CHD5: variants seen among roughly 807,000 people sequenced by gnomAD.
CHD5 encodes ATP-dependent chromatin remodeler CHD5.
In CHD5, 69 loss-of-function variants were observed where a neutral mutation model predicts 230.3. That is an observed-to-expected ratio of 0.30 (90% CI 0.25 to 0.37). The LOEUF (loss-of-function observed/expected upper bound fraction) is 0.37. Ranked by LOEUF, CHD5 falls within the 10% of genes least tolerant of loss-of-function variation. CHD5 has a pLI of 1.00. For missense variants in CHD5, 1,827 were observed against 2,622.8 expected, an observed-to-expected ratio of 0.70 and a Z score of 6.63; for synonymous variants, 1,064 against 1,065.9, an observed-to-expected ratio of 1.00 and a Z score of 0.03.
At position 6,102,286 on chromosome 1, in the gene CHD5, CACA is replaced by C. The variant is rs1261202495; in HGVS notation, c.*3185_*3187del. On this transcript the variant is annotated 3_prime_UTR_variant, in exon 42 of 42. Coordinates refer to ENST00000262450, the MANE Select transcript of CHD5 (RefSeq NM_015557.3). ...ATCTGAAAATTAAAGAAAAAAAAAA[CACA>C]ACGCCAGTGAGTTTGGGCTGATGCA... 2.5e-5 allele frequency: 4 copies of C among 160,340 alleles called. No individual in the cohort carries two copies. Among genetic ancestry groups the C allele is most frequent in the East Asian group, 3.9e-4 (2 of 5,164 alleles). The allele number at this position is 160,340 out of a possible 1,614,324, so 9.9% of individuals were successfully genotyped here. A position where few individuals can be genotyped will look rare whatever the true frequency, so the allele number is the denominator to read the frequency against.
intron 2 of CHD5, among the ~76,000 whole-genome samples, chr1:6,161,769 G>A (rs1372830577): frequency 6.6e-6 from 1 of 152,206 alleles, no homozygotes; most frequent in Non-Finnish European, 1.5e-5. Context: ...CTCTCCCTGA[G>A]CCCTCACCCC....
chr1:6,170,258 A>C (rs903840827), intron 1 of CHD5, among the ~76,000 whole-genome samples: 3 of 152,040 alleles, frequency 2.0e-5, no homozygotes, highest in Admixed American at 6.5e-5. Flanking sequence ...ATGCATGTGC[A>C]CCCAACACTC....
Position 6,154,298 on chromosome 1 carries a change from C to A in CHD5, c.745+362G>T, listed in dbSNP as rs1667047903. 6.6e-6 allele frequency among the ~76,000 whole-genome samples: 1 copy of A among 152,188 alleles called. No individual in the cohort carries two copies. The highest frequency in any genetic ancestry group is 2.4e-5 in the African/African-American group (1 of 41,448). On this transcript the variant is annotated intron_variant, in intron 5 of 41. Transcript: ENST00000262450. This position sits in a 1 kb window ranked among gnomAD's most constrained non-coding sequence, Gnocchi z 7.0. The stretch of plus-strand genomic sequence containing the variant: ...CACAGGCTCAAACCCAAGAGCCTGC[C>A]AACTCCCAGAAACCCAGGCTGGAGC...
Position 6,154,574 on chromosome 1 carries a change from C to A in CHD5, c.745+86G>T. The A allele has an allele frequency of 7.9e-7, 1 of 1,267,398 alleles. No homozygotes were observed. Among genetic ancestry groups the A allele is most frequent in the Non-Finnish European group, 1.1e-6 (1 of 935,074 alleles). 78.5% of individuals were successfully genotyped at this position (1,267,398 alleles called of 1,614,324 possible). A position where few individuals can be genotyped will look rare whatever the true frequency, so the allele number is the denominator to read the frequency against. ...GAGCACCCCAGCTGCCCCTCCCTGC[C>A]CGCGTCTGCCCCGTGGCTTCTCCTA... is the stretch of plus-strand genomic sequence containing the variant. On this transcript the variant is annotated intron_variant, in intron 5 of 41. Transcript: ENST00000262450. This position sits in a 1 kb window ranked among gnomAD's most constrained non-coding sequence, Gnocchi z 7.0.
rs1490133012 is a variant in CHD5 at position 6,130,077 on chromosome 1, G to C, written c.3387+127C>G. On this transcript the variant is annotated intron_variant, in intron 22 of 41. Transcript: ENST00000262450. The surrounding 1 kb of genome is among the most constrained non-coding windows in gnomAD (Gnocchi z 4.9). ...CCCTCTTGGGGCCGAGACTCCACGG[G>C]GGAGGGAGGCCCACAGCACCAGGAT... The C allele has an allele frequency of 1.4e-5, 16 of 1,104,994 alleles. No individual in the cohort carries two copies. The East Asian group carries it at 3.6e-4, about 25-fold the overall frequency. 68.4% of individuals were successfully genotyped at this position (1,104,994 alleles called of 1,614,324 possible).
chr1:6,114,305 G>A (rs1666341220), intron 33 of CHD5, among the ~76,000 whole-genome samples: 1 of 151,344 alleles, frequency 6.6e-6, no homozygotes, highest in Non-Finnish European at 1.5e-5. Flanking sequence ...TCTAAACCCA[G>A]AAAACAATGA....
chr1:6,111,138 A>G (rs1352788699), intron 36 of CHD5, among the ~76,000 whole-genome samples: 13 of 146,822 alleles, frequency 8.9e-5, no homozygotes, highest in East Asian at 4.1e-4. Flanking sequence ...GCTGAGGCAG[A>G]AGAATCACTT....
rs1666844354 is a variant in CHD5 at position 6,142,557 on chromosome 1, C to T, written c.2092G>A (p.Gly698Ser). The change falls in exon 14 of 42, where the codon GGC becomes AGC. Residue 698 changes from glycine (G) to serine (S), a missense_variant. Around this residue, in one of 14 missense-constraint regions of CHD5, gnomAD observed 37 missense variants for 105.7 expected, o/e 0.35. Coordinates refer to ENST00000262450, the MANE Select transcript of CHD5 (RefSeq NM_015557.3). The surrounding 1 kb of genome is among the most constrained non-coding windows in gnomAD (Gnocchi z 5.2). ...KQPWYIDSTGGTLHPYQLEGL... is the reference protein window; with the variant it reads ...KQPWYIDSTGSTLHPYQLEGL... ...TCCAGCTGGTACGGGTGCAGTGTGC[C>T]GCCTGTGGAGTCGATGTACCATGGC... 10 of 1,613,996 alleles carry T rather than the reference C, an allele frequency of 6.2e-6. No homozygotes were observed. Among genetic ancestry groups the T allele is most frequent in the Middle Eastern group, 1.7e-4 (1 of 5,998 alleles).
intron 36 of CHD5, among the ~76,000 whole-genome samples, chr1:6,110,909 C>T (rs1162038838): frequency 2.6e-5 from 4 of 152,194 alleles, no homozygotes; most frequent in Non-Finnish European, 5.9e-5. Context: ...GGGCCCTAAA[C>T]TCAATGACTG....
In CHD5 at chr1:6,126,945, TTTAC is replaced by T; in HGVS notation, c.3904-203_3904-200del. On this transcript the variant is annotated intron_variant, in intron 25 of 41. Coordinates refer to ENST00000262450, the MANE Select transcript of CHD5 (RefSeq NM_015557.3). The surrounding 1 kb of genome is among the most constrained non-coding windows in gnomAD (Gnocchi z 5.7). Reference sequence around the variant, plus strand: ...CTCCCTGCCCCTATCCAGTCAATCATTTACTTATTCATCCATCCATTCACAAAGC... The same window carrying T: ...CTCCCTGCCCCTATCCAGTCAATCATTTATTCATCCATCCATTCACAAAGC... The T allele has an allele frequency of 1.7e-6, 1 of 592,692 alleles. No homozygotes were observed. Among genetic ancestry groups the T allele is most frequent in the South Asian group, 2.0e-5 (1 of 49,168 alleles). The allele number at this position is 592,692 out of a possible 1,614,324, so 36.7% of individuals were successfully genotyped here.
chr1:6,133,988 CCT>C (rs773588771), intron 20 of CHD5, 138 bp downstream of exon 20: 18 of 789,062 alleles, frequency 2.3e-5, no homozygotes, highest in Non-Finnish European at 3.6e-5. Context: ...GGGAGTGACC[CCT>C]GACACACAGT....
chr1:6,173,253 C>T (rs189782598), intron 1 of CHD5, among the ~76,000 whole-genome samples: 2,167 of 151,850 alleles, frequency 0.014, 54 homozygotes, highest in African/African-American at 0.049. Context: ...TACAGGTGTC[C>T]GCCACCACAC....
chr1:6,106,309 C>T (rs754157391), intron 40 of CHD5, 22 bp from the exon 41 acceptor site: 16 of 1,612,640 alleles, frequency 9.9e-6, no homozygotes, highest in East Asian at 4.5e-5. Flanking sequence ...AGAGGAGAGC[C>T]GGGCTTGCCT....
intron 36 of CHD5, 68 bp from the exon 37 acceptor site, chr1:6,110,594 C>T: frequency 6.9e-7 from 1 of 1,453,570 alleles, no homozygotes; most frequent in Non-Finnish European, 9.2e-7. Flanking sequence ...GGAGGCAGCT[C>T]AGGGAGGGGG....
Position 6,128,778 on chromosome 1 carries a change from T to A in CHD5, c.3619+60A>T, listed in dbSNP as rs1159484091. On this transcript the variant is annotated intron_variant, in intron 23 of 41. Coordinates refer to ENST00000262450, the MANE Select transcript of CHD5 (RefSeq NM_015557.3). The surrounding 1 kb of genome is among the most constrained non-coding windows in gnomAD (Gnocchi z 7.8). ...GGCAGGGACCCAAGCAAGCCCTGGA[T>A]GGGTGTCTCAGCCGGGCCACCCCAG... 2 of 1,444,600 alleles carry A rather than the reference T, an allele frequency of 1.4e-6. No homozygotes were observed. Among genetic ancestry groups the A allele is most frequent in the Non-Finnish European group, 1.9e-6 (2 of 1,034,614 alleles). The allele number at this position is 1,444,600 out of a possible 1,614,324, so 89.5% of individuals were successfully genotyped here.
rs1666914292 is a variant in CHD5 at position 6,146,527 on chromosome 1, A to G, written c.1591-104T>C. 9 of 1,404,318 alleles carry G rather than the reference A, an allele frequency of 6.4e-6. 1 individual carries two copies. The South Asian group carries it at 7.2e-5, about 11-fold the overall frequency. The allele number at this position is 1,404,318 out of a possible 1,614,324, so 87.0% of individuals were successfully genotyped here. The stretch of plus-strand genomic sequence containing the variant: ...CCCAGCCCAGGTCCCAGGCAGGACA[A>G]TCCTCCCGCTCAGCACCACCCCAAC... On this transcript the variant is annotated intron_variant, in intron 10 of 41. Coordinates refer to ENST00000262450, the MANE Select transcript of CHD5 (RefSeq NM_015557.3). The surrounding 1 kb of genome is among the most constrained non-coding windows in gnomAD (Gnocchi z 5.1).
At chr1:6,111,716 C>T in intron 36 of CHD5, 59 bp downstream of exon 36, 1 of 1,374,166 alleles carries the variant, frequency 7.3e-7, no homozygotes, top group Non-Finnish European at 1.0e-6. Context: ...AGAGGGCTCT[C>T]CCCGAGGTCC....
rs757511767 is a variant in CHD5, at chr1:6,180,044, G to T, written c.-21C>A. 7.8e-7 allele frequency: 1 copy of T among 1,277,016 alleles called. No homozygotes were observed. The highest frequency in any genetic ancestry group is 1.0e-6 in the Non-Finnish European group (1 of 994,484). The allele number at this position is 1,277,016 out of a possible 1,614,324, so 79.1% of individuals were successfully genotyped here. ...CGCATGCCCGGCGCGGGGAGGAGGG[G>T]AGGTGGGCGCCCCCCCTCCCGCCGG... On this transcript the variant is annotated 5_prime_UTR_variant, in exon 1 of 42. Coordinates refer to ENST00000262450, the MANE Select transcript of CHD5 (RefSeq NM_015557.3).
chr1:6,142,334 G>A lies in CHD5; in HGVS notation c.2236-6C>T, dbSNP rs1666841270. ...TAGGGCCCTTTGGAGTGGCCCTGGAGAGAGAGGCCGATGCCGTGAGACCAC... is the reference window on the plus strand; with the variant it reads ...TAGGGCCCTTTGGAGTGGCCCTGGAAAGAGAGGCCGATGCCGTGAGACCAC... On this transcript the variant is annotated splice_polypyrimidine_tract_variant and splice_region_variant and intron_variant, in intron 14 of 41. Transcript: ENST00000262450. This position sits in a 1 kb window ranked among gnomAD's most constrained non-coding sequence, Gnocchi z 5.2. 6.2e-7 allele frequency: 1 copy of A among 1,601,160 alleles called. No homozygotes were observed. The highest frequency in any genetic ancestry group is 8.6e-7 in the Non-Finnish European group (1 of 1,169,568).
Sources: allele counts gnomAD v4.1 joint callset (sites outside exome capture counted in the v4.1 genomes callset), GRCh38; gene constraint gnomAD v4.1.1; regional missense constraint gnomAD v4.1.1; non-coding constraint Gnocchi (gnomAD v3.1); transcripts MANE v1.5; gene names NCBI Gene and HGNC (gene_info 2026-07-23, HGNC 2026-07-21).